The following ZNF558 variants were observed in gnomAD, a reference collection of about 807,000 sequenced individuals.
The protein encoded by ZNF558 is zinc finger protein 558.
A neutral mutation model predicts 37.6 loss-of-function variants in ZNF558; 23 were observed. The ratio of observed to expected loss-of-function variants is 0.61; its 90% CI spans 0.44 to 0.87. ZNF558 has a LOEUF of 0.87. Among genes scored for constraint, ZNF558 ranks in the 40% least tolerant of loss-of-function variants. ZNF558 has a pLI of 0.00. For synonymous variants in ZNF558, 189 were observed against 174.4 expected (o/e 1.08, Z -0.66); for missense variants, 429 against 483.7 (o/e 0.89, Z 1.06).
chr19:8,814,841 AAGTT>A (rs1356684134), intron 7 of ZNF558, among the ~76,000 whole-genome samples: 1 of 152,224 alleles, frequency 6.6e-6, no homozygotes, highest in Non-Finnish European at 1.5e-5. Context: ...AGACATTACA[AAGTT>A]AGTTCTGAAA....
At chr19:8,823,582 GGCCTCAGTCACCCCCCTCCT>G (rs1249133127) in intron 4 of ZNF558, among the ~76,000 whole-genome samples, 2 of 91,026 alleles carry the variant, frequency 2.2e-5, no homozygotes, top group Non-Finnish European at 4.3e-5. Context: ...GCCTGTGCTC[GGCCTCAGTCACCCCCCTCCT>G]GCCTCAGTCA....
In ZNF558 at chr19:8,807,809, AG is replaced by A. The variant is rs1374386665; in HGVS notation, c.*3471del. 1 of 152,048 alleles carries A rather than the reference AG, an allele frequency of 6.6e-6. No homozygotes were observed. The highest frequency in any genetic ancestry group is 1.9e-4 in the East Asian group (1 of 5,190). The allele number at this position is 152,048 out of a possible 1,614,324, so 9.4% of individuals were successfully genotyped here. ...TTCTATAATCTGTTCCTCCTCCATT[AG>A]GTGAAGTATTTCAATGGCAAAACTT... is the stretch of plus-strand genomic sequence containing the variant. On this transcript the variant is annotated 3_prime_UTR_variant, in exon 10 of 10. Transcript: ENST00000601372.
intron 2 of ZNF558, among the ~76,000 whole-genome samples, chr19:8,829,190 C>T (rs866946234): frequency 6.0e-5 from 9 of 150,110 alleles, no homozygotes; most frequent in East Asian, 2.0e-4. Flanking sequence ...ACCCGGGAGG[C>T]CGGGGGTTGC....
At position 8,808,966 on chromosome 19, in the gene ZNF558, G is replaced by C. The variant is rs2043727021; in HGVS notation, c.*2315C>G. 1 of 152,034 alleles carries C rather than the reference G, an allele frequency of 6.6e-6. No homozygotes were observed. The highest frequency in any genetic ancestry group is 1.5e-5 in the Non-Finnish European group (1 of 68,016). 9.4% of individuals were successfully genotyped at this position (152,034 alleles called of 1,614,324 possible). The stretch of plus-strand genomic sequence containing the variant: ...AGCTAATCTTTATACTTTTAGTAGA[G>C]ATAGGGTTTCACCACGTTGGCCAGG... On this transcript the variant is annotated 3_prime_UTR_variant, in exon 10 of 10. Coordinates refer to ENST00000601372, the MANE Select transcript of ZNF558 (RefSeq NM_144693.3).
At chr19:8,820,799 G>A (rs2044066686) in intron 7 of ZNF558, among the ~76,000 whole-genome samples, 1 of 152,152 alleles carries the variant, frequency 6.6e-6, no homozygotes, top group Admixed American at 6.6e-5. Flanking sequence ...TTAAAACACT[G>A]TGCTACATGA....
rs1301413439 is a variant in ZNF558, at chr19:8,822,013, C to T, written c.110G>A (p.Ser37Asn). Residue 37 changes from serine to asparagine, a missense_variant, in exon 6 of 10, where the codon AGC becomes AAC. Transcript: ENST00000601372. The surrounding 1 kb of genome is among the most constrained non-coding windows in gnomAD (Gnocchi z 4.4). ...GGELVNELLT[S>N]WLRGLVTFED... Reference sequence around the variant, plus strand: ...GAACATCTGACTCACCCGTAGCCAGCTTGTCAGGAGCTCATTAACCAGCTC... The same window carrying T: ...GAACATCTGACTCACCCGTAGCCAGTTTGTCAGGAGCTCATTAACCAGCTC... 1.9e-6 allele frequency: 3 copies of T among 1,614,020 alleles called. No homozygotes were observed. The highest frequency in any genetic ancestry group is 1.7e-4 in the Middle Eastern group (1 of 6,058).
rs1173483755 is a variant in ZNF558, at chr19:8,810,446, A to G, written c.*835T>C. 3.9e-5 allele frequency: 6 copies of G among 152,252 alleles called. No homozygotes were observed. The highest frequency in any genetic ancestry group is 1.4e-4 in the African/African-American group (6 of 41,464). The allele number at this position is 152,252 out of a possible 1,614,324, so 9.4% of individuals were successfully genotyped here. On this transcript the variant is annotated 3_prime_UTR_variant, in exon 10 of 10. Coordinates refer to ENST00000601372, the MANE Select transcript of ZNF558 (RefSeq NM_144693.3). ...AGCTGTCACATGAATCCCTGCTGAT[A>G]GCACTGAAGGCTTTCTACAGCTGTT...
At chr19:8,835,155 G>A (rs188539665), upstream of ZNF558, among the ~76,000 whole-genome samples, 20 of 151,860 alleles carry the variant, frequency 1.3e-4, no homozygotes, top group Non-Finnish European at 2.2e-4. Flanking sequence ...GGATTCAAGC[G>A]ATTCTCCTGC....
rs182771558 is a variant in ZNF558, at chr19:8,818,383, C to T, written c.247+2797G>A. On this transcript the variant is annotated intron_variant, in intron 7 of 9. Transcript: ENST00000601372. ...AGGAGAATCACTTGAGCCTGGGAGG[C>T]GGAGGTTGCAGTGAGCCGAGATCGC... 5.3e-5 allele frequency among the ~76,000 whole-genome samples: 8 copies of T among 151,996 alleles called. No homozygotes were observed. In the East Asian group the frequency reaches 7.8e-4, roughly 15 times the overall value.
intron 7 of ZNF558, among the ~76,000 whole-genome samples, chr19:8,814,730 G>C (rs577723136): frequency 6.6e-6 from 1 of 152,296 alleles, no homozygotes; most frequent in Non-Finnish European, 1.5e-5. Flanking sequence ...CCCACGTAAA[G>C]AGACTAGAAG....
At chr19:8,819,369 T>C (rs1003484640) in intron 7 of ZNF558, among the ~76,000 whole-genome samples, 18 of 151,974 alleles carry the variant, frequency 1.2e-4, no homozygotes, top group African/African-American at 4.3e-4. Flanking sequence ...TTAGTAGAGA[T>C]GGGGCTTCAC....
chr19:8,807,194 T>A lies in ZNF558; in HGVS notation c.*4087A>T, dbSNP rs1555766407. On this transcript the variant is annotated 3_prime_UTR_variant, in exon 10 of 10. Coordinates refer to ENST00000601372, the MANE Select transcript of ZNF558 (RefSeq NM_144693.3). ...CTGGATGCTATCGCTGACTGACCTC[T>A]CTCAGCTCCTGGAATGCAGCCCTCT... 1.3e-5 allele frequency: 2 copies of A among 152,312 alleles called. No homozygotes were observed. The highest frequency in any genetic ancestry group is 2.9e-5 in the Non-Finnish European group (2 of 68,142). The allele number at this position is 152,312 out of a possible 1,614,324, so 9.4% of individuals were successfully genotyped here. A position where few individuals can be genotyped will look rare whatever the true frequency, so the allele number is the denominator to read the frequency against.
intron 7 of ZNF558, among the ~76,000 whole-genome samples, chr19:8,813,550 G>A (rs1233207008): frequency 6.6e-6 from 1 of 152,068 alleles, no homozygotes; most frequent in East Asian, 1.9e-4. Context: ...GTAGAGACGG[G>A]GTTTCACCAT....
intron 2 of ZNF558, among the ~76,000 whole-genome samples, chr19:8,829,365 C>G (rs1199304376): frequency 6.6e-6 from 1 of 152,282 alleles, no homozygotes; most frequent in African/African-American, 2.4e-5. Flanking sequence ...GCCTTTCTAT[C>G]TATCGTAGCA....
chr19:8,826,869 G>A (rs1489287915), intron 2 of ZNF558, among the ~76,000 whole-genome samples: 1 of 152,160 alleles, frequency 6.6e-6, no homozygotes, highest in African/African-American at 2.4e-5. Context: ...CTTTGGGTGA[G>A]TTCAGCAGAC....
At position 8,822,781 on chromosome 19, in the gene ZNF558, G is replaced by C. The variant is rs1235799070; in HGVS notation, c.-65-57C>G. Reference sequence around the variant, plus strand: ...TGGCCTCCTCCCTCTCGGGCTGCTGGGGATGGGCCCTCCTCAACCCATCCT... The same window carrying C: ...TGGCCTCCTCCCTCTCGGGCTGCTGCGGATGGGCCCTCCTCAACCCATCCT... On this transcript the variant is annotated intron_variant, in intron 4 of 9. Coordinates refer to ENST00000601372, the MANE Select transcript of ZNF558 (RefSeq NM_144693.3). This position sits in a 1 kb window ranked among gnomAD's most constrained non-coding sequence, Gnocchi z 4.4. 2.7e-6 allele frequency: 4 copies of C among 1,492,000 alleles called. No homozygotes were observed. The highest frequency in any genetic ancestry group is 2.8e-6 in the Non-Finnish European group (3 of 1,082,262). The allele number at this position is 1,492,000 out of a possible 1,614,324, so 92.4% of individuals were successfully genotyped here.
intron 7 of ZNF558, among the ~76,000 whole-genome samples, chr19:8,814,321 G>C (rs1423741581): frequency 2.0e-5 from 3 of 152,098 alleles, no homozygotes; most frequent in Admixed American, 2.0e-4. Context: ...TGGCTCAAAG[G>C]GTTGTCTTTA....
intron 2 of ZNF558, among the ~76,000 whole-genome samples, chr19:8,828,422 T>C (rs1280670992): frequency 3.9e-5 from 6 of 152,186 alleles, no homozygotes; most frequent in Non-Finnish European, 7.3e-5. Context: ...AGTTTCTTCT[T>C]GAGGGGCTTG....
upstream of ZNF558, among the ~76,000 whole-genome samples, chr19:8,833,708 G>T (rs1025486487): frequency 2.6e-5 from 4 of 152,088 alleles, no homozygotes; most frequent in Non-Finnish European, 4.4e-5. Flanking sequence ...CTAAGTGCTG[G>T]TTGGACCTGG....
Sources: allele counts gnomAD v4.1 joint callset (sites outside exome capture counted in the v4.1 genomes callset), GRCh38; gene constraint gnomAD v4.1.1; non-coding constraint Gnocchi (gnomAD v3.1); transcripts MANE v1.5; gene names NCBI Gene and HGNC (gene_info 2026-07-23, HGNC 2026-07-21).